UBE4B: variants seen among roughly 807,000 people sequenced by gnomAD.
The protein encoded by UBE4B is ubiquitination factor E4B.
In UBE4B, 27 loss-of-function variants were observed where a neutral mutation model predicts 148.1. That is an observed-to-expected ratio of 0.18 (90% CI 0.13 to 0.25). UBE4B has a LOEUF of 0.25. Ranked by LOEUF, UBE4B falls within the 10% of genes least tolerant of loss-of-function variation. UBE4B has a pLI of 1.00. For missense variants in UBE4B, 1,170 were observed against 1,662.4 expected (o/e 0.70, Z 5.15); for synonymous variants, 596 against 619.3 (o/e 0.96, Z 0.56).
At chr1:10,126,558 T>C (rs1214922468) in intron 10 of UBE4B, among the ~76,000 whole-genome samples, 2 of 152,188 alleles carry the variant, frequency 1.3e-5, no homozygotes, top group East Asian at 1.9e-4. Flanking sequence ...TGTCAGAGTA[T>C]TAGAGTTCAC....
At position 10,135,036 on chromosome 1, in the gene UBE4B, T is replaced by C; in HGVS notation, c.2074T>C (p.Trp692Arg). 1 of 1,614,228 alleles carries C rather than the reference T, an allele frequency of 6.2e-7. No individual in the cohort carries two copies. The highest frequency in any genetic ancestry group is 1.7e-5 in the Admixed American group (1 of 60,008). ...STDGFMLNFL[W>R]VLQQLSTKIK... The stretch of plus-strand genomic sequence containing the variant: ...AGATGGATTTATGCTGAATTTCCTT[T>C]GGGTACTGCAGCAGCTAAGTACAAA... The change falls in exon 16 of 28, where the codon TGG (tryptophan) becomes CGG (arginine). Residue 692 changes from tryptophan (W) to arginine (R), a missense_variant. Around this residue, in one of 6 missense-constraint regions of UBE4B, gnomAD observed 388 missense variants for 536.0 expected, o/e 0.72. Transcript: ENST00000343090.
intron 7 of UBE4B, among the ~76,000 whole-genome samples, chr1:10,113,805 G>A (rs1252254250): frequency 6.6e-6 from 1 of 152,042 alleles, no homozygotes; most frequent in African/African-American, 2.4e-5. Context: ...AGTGGCTCAC[G>A]CCTGTAATCC....
chr1:10,106,463 G>A lies in UBE4B; in HGVS notation c.1076G>A (p.Ser359Asn). ...SSPSPPALAS[S>N]PQAVPASSSR... is the part of the protein sequence containing the mutation. ...CCAAGTCCCCCTGCCCTCGCCAGTA[G>A]CCCCCAAGCAGTGCCCGCCAGCAGT... is the stretch of plus-strand genomic sequence containing the variant. Residue 359 changes from serine to asparagine, a missense_variant, in exon 7 of 28, where the codon AGC becomes AAC. This residue lies in a region of UBE4B where 214 missense variants were observed against 209.1 expected (regional missense o/e 1.02). Coordinates refer to ENST00000343090, the MANE Select transcript of UBE4B (RefSeq NM_001105562.3). The surrounding 1 kb of genome is among the most constrained non-coding windows in gnomAD (Gnocchi z 4.2). The A allele has an allele frequency of 6.2e-7, 1 of 1,613,924 alleles. No individual in the cohort carries two copies. The highest frequency in any genetic ancestry group is 8.5e-7 in the Non-Finnish European group (1 of 1,179,996).
At chr1:10,141,423 C>T (rs968399760) in intron 17 of UBE4B, among the ~76,000 whole-genome samples, 1 of 152,078 alleles carries the variant, frequency 6.6e-6, no homozygotes, top group Non-Finnish European at 1.5e-5. Context: ...CCTCTGGAAG[C>T]TGGAAAAGGC....
intron 2 of UBE4B, among the ~76,000 whole-genome samples, chr1:10,087,934 G>C (rs1460460996): frequency 2.0e-5 from 3 of 152,178 alleles, no homozygotes; most frequent in African/African-American, 7.2e-5. Context: ...TCTTAGATCA[G>C]TATGAACTCA....
At position 10,105,764 on chromosome 1, in the gene UBE4B, C is replaced by T. The variant is rs1295717030; in HGVS notation, c.809+20C>T. The T allele has an allele frequency of 6.2e-7, 1 of 1,606,736 alleles. No homozygotes were observed. Among genetic ancestry groups the T allele is most frequent in the Non-Finnish European group, 8.5e-7 (1 of 1,175,982 alleles). Reference sequence around the variant, plus strand: ...GTCTAGGTCAGTGTGGTTCTCTTTGCACATCTTACTGGTAGTAAAATAACT... The same window carrying T: ...GTCTAGGTCAGTGTGGTTCTCTTTGTACATCTTACTGGTAGTAAAATAACT... On this transcript the variant is annotated intron_variant, in intron 6 of 27. Coordinates refer to ENST00000343090, the MANE Select transcript of UBE4B (RefSeq NM_001105562.3).
chr1:10,137,484 A>G (rs1645708884), intron 17 of UBE4B, among the ~76,000 whole-genome samples: 1 of 152,182 alleles, frequency 6.6e-6, no homozygotes, highest in Non-Finnish European at 1.5e-5. Flanking sequence ...CACTGGGCAT[A>G]CATTACCAGG....
Position 10,036,645 on chromosome 1 carries a change from TTTC to T in UBE4B, c.24+2954_24+2956del, listed in dbSNP as rs1162143046. Among the ~76,000 whole-genome samples, 8 of 152,154 alleles carry T rather than the reference TTTC, an allele frequency of 5.3e-5. No individual in the cohort carries two copies. In the East Asian group the frequency reaches 1.5e-3, roughly 29 times the overall value. On this transcript the variant is annotated intron_variant, in intron 1 of 27. Transcript: ENST00000343090. The stretch of plus-strand genomic sequence containing the variant: ...TTTTGGGAAAAATATCTTTGAAGTT[TTTC>T]TTTTTAATTCAATTAAAAATTTTTG...
intron 12 of UBE4B, 124 bp from the exon 13 acceptor site, chr1:10,130,376 T>A: frequency 7.9e-6 from 7 of 884,910 alleles, no homozygotes; most frequent in Non-Finnish European, 7.1e-6. Flanking sequence ...CCACCATGCC[T>A]GGCTGAAACA....
At chr1:10,158,593 G>C in intron 22 of UBE4B, 111 bp downstream of exon 22, 2 of 1,412,704 alleles carry the variant, frequency 1.4e-6, no homozygotes, top group Non-Finnish European at 1.9e-6. Flanking sequence ...CTTGGTCTCA[G>C]ACTCCTTTGA....
chr1:10,116,813 A>T (rs1358163004), intron 7 of UBE4B, among the ~76,000 whole-genome samples: 2 of 152,218 alleles, frequency 1.3e-5, no homozygotes, highest in East Asian at 3.8e-4. Flanking sequence ...TCAGGTAACA[A>T]GTAAGCAGTG....
intron 10 of UBE4B, among the ~76,000 whole-genome samples, chr1:10,126,158 G>T (rs1299161357): frequency 6.6e-6 from 1 of 152,092 alleles, no homozygotes; most frequent in Non-Finnish European, 1.5e-5. Context: ...AATTAGCCAG[G>T]TGTGGTGGCA....
chr1:10,037,747 G>A (rs1266428498), intron 1 of UBE4B, among the ~76,000 whole-genome samples: 2 of 151,556 alleles, frequency 1.3e-5, no homozygotes, highest in Admixed American at 1.3e-4. Flanking sequence ...CTAGAGACAG[G>A]GTTTCACCAT....
At chr1:10,166,189 A>C (rs1646243084) in intron 23 of UBE4B, 1 of 152,216 alleles carries the variant, frequency 6.6e-6, no homozygotes, top group African/African-American at 2.4e-5. Flanking sequence ...AAGGCCTCTG[A>C]ACAGATGTAA....
chr1:10,109,902 C>T (rs1645190494), intron 7 of UBE4B, among the ~76,000 whole-genome samples: 1 of 152,094 alleles, frequency 6.6e-6, no homozygotes, highest in Non-Finnish European at 1.5e-5. Context: ...CTGCCCACCT[C>T]GGCCTCCCAG....
chr1:10,131,996 G>A (rs186939520), intron 14 of UBE4B, among the ~76,000 whole-genome samples: 5 of 152,024 alleles, frequency 3.3e-5, no homozygotes, highest in Admixed American at 1.3e-4. Context: ...TGGGTGTGGC[G>A]GCGTGTGCCT....
At chr1:10,049,643 G>A (rs1400735394) in intron 1 of UBE4B, among the ~76,000 whole-genome samples, 4 of 151,988 alleles carry the variant, frequency 2.6e-5, no homozygotes, top group Non-Finnish European at 4.4e-5. Context: ...TCTCATGCCT[G>A]TAACCCCAGC....
In UBE4B at chr1:10,033,377, G is replaced by C; in HGVS notation, c.-294G>C. ...TAGCTGGGTAACCTGGGAAGCAGAGGGTAATAAGTGGCGCCTTAAGACAAC... is the reference window on the plus strand; with the variant it reads ...TAGCTGGGTAACCTGGGAAGCAGAGCGTAATAAGTGGCGCCTTAAGACAAC... On this transcript the variant is annotated 5_prime_UTR_variant, in exon 1 of 28. Transcript: ENST00000343090. 3.2e-6 allele frequency: 1 copy of C among 314,788 alleles called. No homozygotes were observed. Among genetic ancestry groups the C allele is most frequent in the Non-Finnish European group, 5.8e-6 (1 of 172,080 alleles). The allele number at this position is 314,788 out of a possible 1,614,324, so 19.5% of individuals were successfully genotyped here.
chr1:10,165,875 A>G (rs568993414), intron 23 of UBE4B, among the ~76,000 whole-genome samples: 1 of 152,170 alleles, frequency 6.6e-6, no homozygotes, highest in Non-Finnish European at 1.5e-5. Flanking sequence ...TATGAAGCAG[A>G]TCCTCCCTAA....
Sources: allele counts gnomAD v4.1 joint callset (sites outside exome capture counted in the v4.1 genomes callset), GRCh38; gene constraint gnomAD v4.1.1; regional missense constraint gnomAD v4.1.1; non-coding constraint Gnocchi (gnomAD v3.1); transcripts MANE v1.5; gene names NCBI Gene and HGNC (gene_info 2026-07-23, HGNC 2026-07-21).